Variants in TRIM24 observed in about 807,000 individuals in gnomAD.
TRIM24 encodes the protein transcription intermediary factor 1-alpha.
TRIM24 carries 29 observed loss-of-function variants against 123.9 expected under a neutral mutation model. That is an observed-to-expected ratio of 0.23 (90% CI 0.17 to 0.32). The LOEUF (loss-of-function observed/expected upper bound fraction) is 0.32. Among genes scored for constraint, TRIM24 ranks in the 10% least tolerant of loss-of-function variants. TRIM24 has a pLI of 1.00. For missense variants in TRIM24, 932 were observed against 1,295.3 expected (o/e 0.72, Z 4.31); for synonymous variants, 456 against 461.1 (o/e 0.99, Z 0.14).
intron 13 of TRIM24, among the ~76,000 whole-genome samples, chr7:138,576,769 AT>A (rs1797770123): frequency 6.6e-6 from 1 of 152,196 alleles, no homozygotes; most frequent in Non-Finnish European, 1.5e-5. Flanking sequence ...AAAAGATAAA[AT>A]TTTATGCTAA....
intron 1 of TRIM24, among the ~76,000 whole-genome samples, chr7:138,478,279 A>T (rs1311227666): frequency 6.6e-6 from 1 of 152,114 alleles, no homozygotes; most frequent in Non-Finnish European, 1.5e-5. Context: ...ATTTAAAAAG[A>T]AATTGGTTTA....
In TRIM24 at chr7:138,473,705, T is replaced by C. The variant is rs896795256; in HGVS notation, c.364+12793T>C. On this transcript the variant is annotated intron_variant, in intron 1 of 18. Transcript: ENST00000343526. The stretch of plus-strand genomic sequence containing the variant: ...GATAGTCTGCTGTATGGATAACCAT[T>C]TTCTTTTCCATTTATCTATCATGGA... Among the ~76,000 whole-genome samples the C allele has an allele frequency of 2.6e-4, 39 of 152,360 alleles. 1 individual carries two copies. The highest frequency in any genetic ancestry group is 1.0e-3 in the South Asian group (5 of 4,832).
chr7:138,582,808 G>A (rs956564823), intron 17 of TRIM24, among the ~76,000 whole-genome samples: 2 of 152,254 alleles, frequency 1.3e-5, no homozygotes, highest in Middle Eastern at 3.4e-3. Flanking sequence ...AGTAAATACA[G>A]TCAGCTTCTC....
chr7:138,481,286 G>A (rs777209170), intron 1 of TRIM24, among the ~76,000 whole-genome samples: 1 of 151,616 alleles, frequency 6.6e-6, no homozygotes, highest in East Asian at 1.9e-4. Context: ...TGATCTTGTT[G>A]TGTTGTCCAG....
At chr7:138,530,575 T>G (rs1342836687) in intron 6 of TRIM24, among the ~76,000 whole-genome samples, 1 of 151,910 alleles carries the variant, frequency 6.6e-6, no homozygotes, top group Admixed American at 6.6e-5. Context: ...CAGGTGATCT[T>G]CTCATTGCAG....
At chr7:138,583,758 A>C (rs973697488) in intron 17 of TRIM24, 92 bp from the exon 18 acceptor site, 8 of 952,192 alleles carry the variant, frequency 8.4e-6, no homozygotes, top group Non-Finnish European at 1.2e-5. Flanking sequence ...AGCAATGAGA[A>C]CATTCTGAAT....
chr7:138,553,368 C>A (rs1797251652), intron 8 of TRIM24, among the ~76,000 whole-genome samples: 1 of 152,118 alleles, frequency 6.6e-6, no homozygotes, highest in African/African-American at 2.4e-5. Context: ...AACCTTAGAT[C>A]CCTTATGTGT....
Position 138,565,689 on chromosome 7 carries a change from A to G in TRIM24, c.1531-1792A>G, listed in dbSNP as rs537142242. On this transcript the variant is annotated intron_variant, in intron 9 of 18. Coordinates refer to ENST00000343526, the MANE Select transcript of TRIM24 (RefSeq NM_015905.3). ...GTGGCCACTGGCCCAACGGATTCAC[A>G]TCCAAAGGCTAGGCCCTGAACAAAG... 1.1e-4 allele frequency among the ~76,000 whole-genome samples: 17 copies of G among 152,356 alleles called. No individual in the cohort carries two copies. The East Asian group carries it at 3.3e-3, about 29-fold the overall frequency.
intron 9 of TRIM24, among the ~76,000 whole-genome samples, chr7:138,558,188 A>C (rs1797354553): frequency 6.6e-6 from 1 of 152,116 alleles, no homozygotes; most frequent in African/African-American, 2.4e-5. Flanking sequence ...GCTGGTACCA[A>C]GAGTGATGTA....
At chr7:138,475,196 A>T (rs1795369542) in intron 1 of TRIM24, among the ~76,000 whole-genome samples, 1 of 152,168 alleles carries the variant, frequency 6.6e-6, no homozygotes, top group Admixed American at 6.6e-5. Flanking sequence ...AGGGGGGAAG[A>T]ATGGAGCTAA....
chr7:138,529,197 T>TA lies in TRIM24; in HGVS notation c.969dup (p.Gly324ArgfsTer31). 1 of 1,571,804 alleles carries TA rather than the reference T, an allele frequency of 6.4e-7. No homozygotes were observed. Among genetic ancestry groups the TA allele is most frequent in the South Asian group, 1.2e-5 (1 of 83,606 alleles). Reference sequence around the variant, plus strand: ...TATTTACACTGATGGTAGAAATAAATAAAAAAGGAAAAGCTCTACTGCATC... The same window carrying TA: ...TATTTACACTGATGGTAGAAATAAATAAAAAAAGGAAAAGCTCTACTGCATC... On this transcript the variant is annotated frameshift_variant, in exon 6 of 19. Coordinates refer to ENST00000343526, the MANE Select transcript of TRIM24 (RefSeq NM_015905.3). LOFTEE classifies it high-confidence loss of function.
chr7:138,541,995 A>C (rs1016099132), intron 7 of TRIM24, among the ~76,000 whole-genome samples: 3 of 152,314 alleles, frequency 2.0e-5, no homozygotes, highest in South Asian at 4.1e-4. Flanking sequence ...ATTGAATTAA[A>C]AAGAGTTTTA....
In TRIM24 at chr7:138,583,836, C is replaced by A; in HGVS notation, c.2794-14C>A. 6.6e-7 allele frequency: 1 copy of A among 1,521,612 alleles called. No homozygotes were observed. Among genetic ancestry groups the A allele is most frequent in the South Asian group, 1.2e-5 (1 of 81,598 alleles). The allele number at this position is 1,521,612 out of a possible 1,614,324, so 94.3% of individuals were successfully genotyped here. ...TTTAGCTATTTGTATTATAACATCT[C>A]ATTTTTTTAATAGGTGCCTGATTAT... On this transcript the variant is annotated splice_polypyrimidine_tract_variant and intron_variant, in intron 17 of 18. Coordinates refer to ENST00000343526, the MANE Select transcript of TRIM24 (RefSeq NM_015905.3).
chr7:138,563,900 G>A (rs1422834251), intron 9 of TRIM24, among the ~76,000 whole-genome samples: 1 of 152,156 alleles, frequency 6.6e-6, no homozygotes, highest in African/African-American at 2.4e-5. Flanking sequence ...ATCCCAGTGG[G>A]GGTCTGCTTC....
At chr7:138,496,859 C>T (rs1424843454) in intron 1 of TRIM24, among the ~76,000 whole-genome samples, 1 of 152,002 alleles carries the variant, frequency 6.6e-6, no homozygotes, top group Non-Finnish European at 1.5e-5. Flanking sequence ...GGCTTTTCTC[C>T]CTTATTTTGT....
intron 10 of TRIM24, among the ~76,000 whole-genome samples, chr7:138,569,444 G>T (rs1797607980): frequency 6.6e-6 from 1 of 152,204 alleles, no homozygotes; most frequent in Non-Finnish European, 1.5e-5. Context: ...TTAAGAAAAT[G>T]CAGTAATCTA....
chr7:138,568,189 G>T (rs1797574737), intron 10 of TRIM24, among the ~76,000 whole-genome samples: 5 of 151,642 alleles, frequency 3.3e-5, no homozygotes. Flanking sequence ...CGCAATCTGG[G>T]CTAACTGCAA....
At chr7:138,533,650 C>T (rs1796797585) in intron 6 of TRIM24, among the ~76,000 whole-genome samples, 1 of 152,224 alleles carries the variant, frequency 6.6e-6, no homozygotes, top group African/African-American at 2.4e-5. Context: ...CATCAATGTT[C>T]ATCAGGGATA....
At chr7:138,583,055 T>C (rs1177831006) in intron 17 of TRIM24, among the ~76,000 whole-genome samples, 1 of 152,228 alleles carries the variant, frequency 6.6e-6, no homozygotes, top group Non-Finnish European at 1.5e-5. Flanking sequence ...ATTTAGTCTG[T>C]ACAAAATGCT....
Sources: allele counts gnomAD v4.1 joint callset (sites outside exome capture counted in the v4.1 genomes callset), GRCh38; gene constraint gnomAD v4.1.1; transcripts MANE v1.5; gene names NCBI Gene and HGNC (gene_info 2026-07-23, HGNC 2026-07-21).